The following KLF12 variants were observed in gnomAD, a reference collection of about 807,000 sequenced individuals.
KLF12 encodes Krueppel-like factor 12.
A neutral mutation model predicts 37.8 loss-of-function variants in KLF12; 9 were observed. The ratio of observed to expected loss-of-function variants is 0.24; its 90% CI spans 0.14 to 0.42. The LOEUF is 0.42. KLF12 is among the 10% of genes least tolerant of loss of function. The pLI is 1.00. For synonymous variants in KLF12, 208 were observed against 202.1 expected (o/e 1.03, Z -0.25); for missense variants, 411 against 516.0 (o/e 0.80, Z 1.97).
At chr13:73,874,079 G>A (rs1290603612) in intron 3 of KLF12, among the ~76,000 whole-genome samples, 2 of 152,190 alleles carry the variant, frequency 1.3e-5, no homozygotes, top group African/African-American at 4.8e-5. Flanking sequence ...ATTCTGATGA[G>A]GTCAAATGCA....
At chr13:74,137,884 A>C (rs961297687), upstream of KLF12, among the ~76,000 whole-genome samples, 1 of 152,040 alleles carries the variant, frequency 6.6e-6, no homozygotes, top group Non-Finnish European at 1.5e-5. Context: ...CCTCAGACTC[A>C]CAAGTAGCTA....
At chr13:73,811,061 C>T (rs1882916152) in intron 5 of KLF12, among the ~76,000 whole-genome samples, 1 of 130,384 alleles carries the variant, frequency 7.7e-6, no homozygotes, top group African/African-American at 2.9e-5. Context: ...TCTCAGCTCA[C>T]TGCAACCTCT....
the KLF12 span, among the ~76,000 whole-genome samples, chr13:74,277,172 A>C: frequency 6.6e-6 from 1 of 152,158 alleles, no homozygotes; most frequent in Admixed American, 6.5e-5. Flanking sequence ...TATATTATAC[A>C]TGTCTTCACA....
intron 6 of KLF12, among the ~76,000 whole-genome samples, chr13:73,745,883 G>GT (rs1042987508): frequency 6.6e-6 from 1 of 152,134 alleles, no homozygotes. Context: ...GTTAAATGAC[G>GT]TATCATTTTT....
intron 4 of KLF12, among the ~76,000 whole-genome samples, chr13:73,837,033 T>C (rs564798230): frequency 1.3e-5 from 2 of 152,352 alleles, no homozygotes; most frequent in East Asian, 1.9e-4. Flanking sequence ...CTGCTTTACC[T>C]AACAAATGGA....
At chr13:73,751,071 G>A (rs1878722819) in intron 6 of KLF12, among the ~76,000 whole-genome samples, 1 of 152,168 alleles carries the variant, frequency 6.6e-6, no homozygotes, top group Non-Finnish European at 1.5e-5. Context: ...GGATTCAGAG[G>A]AGGAGTAGAA....
intron 2 of KLF12, among the ~76,000 whole-genome samples, chr13:73,977,404 C>A (rs1891560838): frequency 6.6e-6 from 1 of 152,126 alleles, no homozygotes; most frequent in Non-Finnish European, 1.5e-5. Flanking sequence ...CCTTGAACTA[C>A]CCCATATAGC....
intron 3 of KLF12, among the ~76,000 whole-genome samples, chr13:73,861,864 T>C (rs547995506): frequency 1.3e-5 from 2 of 152,312 alleles, no homozygotes; most frequent in Admixed American, 1.3e-4. Flanking sequence ...TCTTAGCATG[T>C]AGTGCACTTA....
At chr13:73,802,199 G>A (rs1317442520) in intron 5 of KLF12, 1 of 152,104 alleles carries the variant, frequency 6.6e-6, no homozygotes, top group African/African-American at 2.4e-5. Context: ...CTGTGTAGTA[G>A]CTTTCATACA....
At chr13:74,002,868 C>G (rs1156961457) in intron 1 of KLF12, among the ~76,000 whole-genome samples, 1 of 152,168 alleles carries the variant, frequency 6.6e-6, no homozygotes, top group East Asian at 1.9e-4. Context: ...GAACTGAGAA[C>G]ATCAACAATA....
the KLF12 span, among the ~76,000 whole-genome samples, chr13:74,289,606 G>A: frequency 9.2e-5 from 14 of 152,156 alleles, 1 homozygote; most frequent in African/African-American, 3.4e-4. Flanking sequence ...AAATTTTGAG[G>A]TAGAAAGTAA....
chr13:74,115,429 G>C (rs1437087219), intron 1 of KLF12, among the ~76,000 whole-genome samples: 1 of 152,156 alleles, frequency 6.6e-6, no homozygotes, highest in Non-Finnish European at 1.5e-5. Context: ...TTTCCACCGG[G>C]CATGGTGGTT....
At chr13:73,710,026 T>C (rs1178130719) in intron 7 of KLF12, among the ~76,000 whole-genome samples, 2 of 152,024 alleles carry the variant, frequency 1.3e-5, no homozygotes, top group Admixed American at 6.6e-5. Flanking sequence ...ATCAAGAAAA[T>C]GAATATAGAA....
intron 7 of KLF12, among the ~76,000 whole-genome samples, chr13:73,697,391 A>G (rs1428813755): frequency 2.0e-5 from 3 of 152,148 alleles, no homozygotes; most frequent in Admixed American, 6.5e-5. Context: ...GAAAAAGCCT[A>G]CTGCCTGGAT....
intron 3 of KLF12, among the ~76,000 whole-genome samples, chr13:73,905,215 A>G (rs1294843912): frequency 3.9e-5 from 6 of 152,152 alleles, no homozygotes; most frequent in African/African-American, 1.2e-4. Context: ...TCATTACTCA[A>G]ATTTAACCTG....
chr13:73,813,122 C>T, intron 5 of KLF12, 30 bp downstream of exon 5: 1 of 1,609,710 alleles, frequency 6.2e-7, no homozygotes, highest in Non-Finnish European at 8.5e-7. Flanking sequence ...CTTGGCAATT[C>T]TTAATTCATC....
chr13:73,997,341 A>C (rs1892148927), intron 1 of KLF12, among the ~76,000 whole-genome samples: 1 of 152,168 alleles, frequency 6.6e-6, no homozygotes, highest in Non-Finnish European at 1.5e-5. Flanking sequence ...TAATAATAAT[A>C]ATACCTGCTT....
At chr13:74,276,392 T>A in the KLF12 span, among the ~76,000 whole-genome samples, 1 of 152,150 alleles carries the variant, frequency 6.6e-6, no homozygotes, top group Non-Finnish European at 1.5e-5. Context: ...TAAATTGTAA[T>A]ACGATCAAAT....
intron 6 of KLF12, among the ~76,000 whole-genome samples, chr13:73,754,653 T>C (rs1006757979): frequency 1.3e-5 from 2 of 151,462 alleles, no homozygotes; most frequent in African/African-American, 4.9e-5. Context: ...TAAGTTATTA[T>C]GACCAGTAAC....
Sources: allele counts gnomAD v4.1 joint callset (sites outside exome capture counted in the v4.1 genomes callset), GRCh38; gene constraint gnomAD v4.1.1; transcripts MANE v1.5; gene names NCBI Gene and HGNC (gene_info 2026-07-23, HGNC 2026-07-21).